The following ADAD1 variants were observed in gnomAD, a reference collection of about 807,000 sequenced individuals.
ADAD1 encodes the protein adenosine deaminase domain containing 1.
ADAD1 carries 46 observed loss-of-function variants against 66.8 expected under a neutral mutation model. That is an observed-to-expected ratio of 0.69 (90% confidence interval 0.54 to 0.88). The LOEUF (loss-of-function observed/expected upper bound fraction) is 0.88. Among genes scored for constraint, ADAD1 ranks in the 40% least tolerant of loss-of-function variants. ADAD1 has a pLI of 0.00. For synonymous variants in ADAD1, 248 were observed against 229.4 expected (o/e 1.08, Z -0.73); for missense variants, 617 against 681.8 (o/e 0.91, Z 1.06).
At chr4:122,401,657 T>C (rs1224450249) in intron 7 of ADAD1, among the ~76,000 whole-genome samples, 3 of 152,128 alleles carry the variant, frequency 2.0e-5, no homozygotes, top group Non-Finnish European at 4.4e-5. Flanking sequence ...AGTAATTATT[T>C]TATAAATTTG....
At chr4:122,396,144 T>C in intron 6 of ADAD1, 108 bp from the exon 7 acceptor site, 2 of 951,336 alleles carry the variant, frequency 2.1e-6, no homozygotes, top group Non-Finnish European at 2.8e-6. Context: ...TGCTTACAGA[T>C]GTCTATATAT....
At chr4:122,405,894 T>C (rs1056182365) in intron 7 of ADAD1, among the ~76,000 whole-genome samples, 1 of 152,216 alleles carries the variant, frequency 6.6e-6, no homozygotes, top group African/African-American at 2.4e-5. Flanking sequence ...ATTCATATTG[T>C]TGAAAATGGC....
At chr4:122,399,477 T>C (rs1249196092) in intron 7 of ADAD1, among the ~76,000 whole-genome samples, 3 of 152,162 alleles carry the variant, frequency 2.0e-5, no homozygotes, top group Non-Finnish European at 2.9e-5. Flanking sequence ...CAGGTTGTTT[T>C]TTGGTTCTAT....
At chr4:122,393,680 TCTTCTTTA>T in intron 6 of ADAD1, 23 bp downstream of exon 6, 2 of 1,549,842 alleles carry the variant, frequency 1.3e-6, no homozygotes, top group Non-Finnish European at 1.8e-6. Context: ...TTTGTGACGT[TCTTCTTTA>T]GAAGAGTAGC....
intron 4 of ADAD1, among the ~76,000 whole-genome samples, 183 bp from the exon 5 acceptor site, chr4:122,383,616 T>C (rs1462944384): frequency 6.6e-6 from 1 of 152,220 alleles, no homozygotes; most frequent in Non-Finnish European, 1.5e-5. Context: ...TCCTCAGAGT[T>C]AGTTCAGATG....
intron 7 of ADAD1, among the ~76,000 whole-genome samples, chr4:122,404,584 A>G (rs1268263485): frequency 1.3e-5 from 2 of 152,070 alleles, no homozygotes; most frequent in African/African-American, 4.8e-5. Flanking sequence ...AGGGTCTGTA[A>G]ATTCCTTTGG....
intron 10 of ADAD1, among the ~76,000 whole-genome samples, chr4:122,414,124 A>G (rs1172033276): frequency 4.6e-5 from 7 of 150,804 alleles, no homozygotes; most frequent in African/African-American, 1.2e-4. Context: ...AAAATTTATA[A>G]TAAAATATTT....
At chr4:122,393,347 A>G (rs554052061) in intron 5 of ADAD1, among the ~76,000 whole-genome samples, 4 of 152,258 alleles carry the variant, frequency 2.6e-5, no homozygotes, top group African/African-American at 7.2e-5. Context: ...TGTTGCATCT[A>G]TTATAAAGCA....
intron 10 of ADAD1, among the ~76,000 whole-genome samples, chr4:122,414,899 A>G (rs1796657022): frequency 6.6e-6 from 1 of 152,074 alleles, no homozygotes; most frequent in Admixed American, 6.5e-5. Flanking sequence ...TCATTCTTTA[A>G]ATTATTTTGC....
rs536366215 is a variant in ADAD1, at chr4:122,405,451, C to T, written c.725-2457C>T. ...TCTCCACTACTTCTTGGAAATTAGC[C>T]TTGCCAAGGTACCCACTGCCTGCAT... On this transcript the variant is annotated intron_variant, in intron 7 of 12. Coordinates refer to ENST00000296513, the MANE Select transcript of ADAD1 (RefSeq NM_139243.4). Among the ~76,000 whole-genome samples the T allele has an allele frequency of 1.6e-3, 239 of 152,232 alleles. 1 individual carries two copies. The highest frequency in any genetic ancestry group is 5.5e-3 in the African/African-American group (228 of 41,548).
intron 5 of ADAD1, among the ~76,000 whole-genome samples, chr4:122,386,260 T>C (rs1795166517): frequency 6.6e-6 from 1 of 152,192 alleles, no homozygotes; most frequent in South Asian, 2.1e-4. Context: ...TGGTATCTCA[T>C]TGTGGTTTTG....
At chr4:122,398,624 A>G (rs45555239) in intron 7 of ADAD1, among the ~76,000 whole-genome samples, 24,759 of 151,940 alleles carry the variant, frequency 0.16, 3,559 homozygotes, top group African/African-American at 0.39. Flanking sequence ...TACACCACAT[A>G]CACGTCAACA....
Position 122,412,630 on chromosome 4 carries a change from G to C in ADAD1, c.1070G>C (p.Cys357Ser). ...ISAFEANEEL[C>S]LHVAVEGKIY... ...GCATTTGAAGCCAATGAAGAACTCT[G>C]TCTCCACGTGGCTGTTGAAGGCAAA... Residue 357 changes from cysteine to serine, a missense_variant, in exon 10 of 13, where the codon TGT (cysteine) becomes TCT (serine). By Grantham distance (112) the Cys-to-Ser change is moderately radical (BLOSUM62 -1). Transcript: ENST00000296513. The C allele has an allele frequency of 6.2e-7, 1 of 1,613,834 alleles. No homozygotes were observed. The highest frequency in any genetic ancestry group is 2.2e-5 in the East Asian group (1 of 44,868).
intron 7 of ADAD1, among the ~76,000 whole-genome samples, chr4:122,405,644 T>C (rs1580776741): frequency 6.6e-6 from 1 of 152,302 alleles, no homozygotes; most frequent in East Asian, 1.9e-4. Flanking sequence ...AATACATTAT[T>C]ATTAACTGTA....
intron 7 of ADAD1, among the ~76,000 whole-genome samples, chr4:122,401,855 T>C (rs1377702616): frequency 6.6e-6 from 1 of 152,142 alleles, no homozygotes; most frequent in African/African-American, 2.4e-5. Flanking sequence ...AGTATCTTTT[T>C]CCACCTCTTT....
intron 12 of ADAD1, among the ~76,000 whole-genome samples, chr4:122,425,798 T>A (rs1797207288): frequency 6.6e-6 from 1 of 152,026 alleles, no homozygotes; most frequent in South Asian, 2.1e-4. Flanking sequence ...CAGATTTCGG[T>A]ATTTCTAGGG....
intron 7 of ADAD1, among the ~76,000 whole-genome samples, chr4:122,403,940 A>T (rs1220500918): frequency 6.6e-6 from 1 of 152,072 alleles, no homozygotes; most frequent in East Asian, 1.9e-4. Context: ...CATACATGTC[A>T]CCAGGGAAGT....
intron 10 of ADAD1, among the ~76,000 whole-genome samples, chr4:122,413,474 T>C (rs1283135248): frequency 1.3e-5 from 2 of 152,138 alleles, no homozygotes; most frequent in African/African-American, 2.4e-5. Context: ...GCTAGATTTA[T>C]ATTCATTCTC....
At chr4:122,414,284 G>GGT (rs1553924568) in intron 10 of ADAD1, among the ~76,000 whole-genome samples, 5 of 115,264 alleles carry the variant, frequency 4.3e-5, no homozygotes, top group African/African-American at 1.6e-4. Context: ...TTGGGGGGGG[G>GGT]GGTACAACTA....
Sources: gnomAD v4.1 joint callset for allele counts (sites outside exome capture counted in the v4.1 genomes callset) on GRCh38, gnomAD v4.1.1 for gene constraint, MANE v1.5 for transcripts, NCBI Gene and HGNC (gene_info 2026-07-23, HGNC 2026-07-21) for gene names.